The following WRAP53 variants were observed in gnomAD, a reference collection of about 807,000 sequenced individuals.
The protein encoded by WRAP53 is WD repeat containing antisense to TP53.
A neutral mutation model predicts 56.6 loss-of-function variants in WRAP53; 28 were observed. The ratio of observed to expected loss-of-function variants is 0.50; its 90% CI spans 0.37 to 0.68. The LOEUF is 0.68. WRAP53 is among the 30% of genes least tolerant of loss of function. The pLI, the probability that WRAP53 is intolerant of heterozygous loss-of-function variation, is 0.00. For missense variants in WRAP53, 671 were observed against 715.5 expected (o/e 0.94, Z 0.71); for synonymous variants, 283 against 283.4 (o/e 1.00, Z 0.01).
intron 4 of WRAP53, among the ~76,000 whole-genome samples, chr17:7,692,123 A>T (rs546678127): frequency 1.3e-5 from 2 of 150,958 alleles, no homozygotes; most frequent in African/African-American, 4.9e-5. Flanking sequence ...TACAGGCATG[A>T]GCCACTGCGC....
In WRAP53 at chr17:7,703,251, C is replaced by A. The variant is rs1446584973; in HGVS notation, c.1412C>A (p.Pro471His). Residue 471 changes from proline (P) to histidine (H), a missense_variant, in exon 11 of 11, where the codon CCT becomes CAT. Around this residue, in one of 3 missense-constraint regions of WRAP53, gnomAD observed 158 missense variants for 215.7 expected, o/e 0.73. Coordinates refer to ENST00000396463, the MANE Select transcript of WRAP53 (RefSeq NM_001143992.2). The part of the protein sequence containing the change: ...KDCTNGVSLH[P>H]SLPLLATASG... ...CCCCATCTCTCCCTCAGCCTGCACC[C>A]TAGCCTGCCTCTCCTGGCCACTGCC... 1 of 1,613,546 alleles carries A rather than the reference C, an allele frequency of 6.2e-7. No homozygotes were observed. Among genetic ancestry groups the A allele is most frequent in the Admixed American group, 1.7e-5 (1 of 60,022 alleles).
chr17:7,689,209 C>T lies in WRAP53; in HGVS notation c.432-15C>T, dbSNP rs771063284. ...CTTGGCGACCCAGGTTTATTGTCCC[C>T]CATCTTCCTTTCAGCGCTTGGAACT... On this transcript the variant is annotated splice_polypyrimidine_tract_variant and intron_variant, in intron 2 of 10. Coordinates refer to ENST00000396463, the MANE Select transcript of WRAP53 (RefSeq NM_001143992.2). 1.2e-6 allele frequency: 2 copies of T among 1,613,854 alleles called. No homozygotes were observed. The highest frequency in any genetic ancestry group is 1.7e-6 in the Non-Finnish European group (2 of 1,179,962).
In WRAP53 at chr17:7,688,500, C is replaced by T. The variant is rs1439063070; in HGVS notation, c.-63C>T. 1 of 800,408 alleles carries T rather than the reference C, an allele frequency of 1.2e-6. No homozygotes were observed. Among genetic ancestry groups the T allele is most frequent in the African/African-American group, 1.7e-5 (1 of 57,514 alleles). The allele number at this position is 800,408 out of a possible 1,614,324, so 49.6% of individuals were successfully genotyped here. ...ACAGTGCTTTCAAAAGAATTGGCGT[C>T]CGCTGTTCGCCTCTCCTCCCGGGAG... On this transcript the variant is annotated 5_prime_UTR_variant, in exon 1 of 11. Coordinates refer to ENST00000396463, the MANE Select transcript of WRAP53 (RefSeq NM_001143992.2).
chr17:7,699,627 CTT>C (rs985399438), intron 4 of WRAP53, among the ~76,000 whole-genome samples: 5 of 143,584 alleles, frequency 3.5e-5, no homozygotes, highest in Admixed American at 2.1e-4. Flanking sequence ...TTAAACATAT[CTT>C]TTTGTTCAGC....
rs772485427 is a variant in WRAP53, at chr17:7,689,570, T to C, written c.531-20T>C. 13 of 1,610,518 alleles carry C rather than the reference T, an allele frequency of 8.1e-6. No individual in the cohort carries two copies. The South Asian group carries it at 1.4e-4, about 18-fold the overall frequency. ...AAAAGCATAGGTCTGGCCAGCTTTC[T>C]AACTCTCCCCTGTTTCTAGGGCTCC... On this transcript the variant is annotated intron_variant, in intron 3 of 10. Transcript: ENST00000396463.
Position 7,702,596 on chromosome 17 carries a change from G to A in WRAP53, c.1164+44G>A. 1 of 1,597,646 alleles carries A rather than the reference G, an allele frequency of 6.3e-7. No individual in the cohort carries two copies. The highest frequency in any genetic ancestry group is 8.5e-7 in the Non-Finnish European group (1 of 1,176,624). On this transcript the variant is annotated intron_variant, in intron 8 of 10. Coordinates refer to ENST00000396463, the MANE Select transcript of WRAP53 (RefSeq NM_001143992.2). This position sits in a 1 kb window ranked among gnomAD's most constrained non-coding sequence, Gnocchi z 5.0. ...GAGCCCAAAGCAGCTGGGCAGCGGG[G>A]CAGGAGCAGGGATGTAGTCTGCAGT...
In WRAP53 at chr17:7,701,585, TG is replaced by T. The variant is rs2074275005; in HGVS notation, c.822+38del. On this transcript the variant is annotated intron_variant, in intron 6 of 10. Transcript: ENST00000396463. This position sits in a 1 kb window ranked among gnomAD's most constrained non-coding sequence, Gnocchi z 4.2. ...CCATACTCAGCCCCAGCACTCGTAC[TG>T]GCCCGGCTCTCCTTCCTTGAGGGCA... The T allele has an allele frequency of 6.2e-7, 1 of 1,614,144 alleles. No individual in the cohort carries two copies. Among genetic ancestry groups the T allele is most frequent in the African/African-American group, 1.3e-5 (1 of 74,942 alleles).
At chr17:7,690,571 C>G (rs973271003) in intron 4 of WRAP53, among the ~76,000 whole-genome samples, 16 of 152,260 alleles carry the variant, frequency 1.1e-4, no homozygotes, top group Admixed American at 8.5e-4. Context: ...CAGGAACTGG[C>G]AATGATACTA....
In WRAP53 at chr17:7,703,398, G is replaced by T. The variant is rs753960173; in HGVS notation, c.1559G>T (p.Gly520Val). 8.1e-6 allele frequency: 13 copies of T among 1,612,884 alleles called. No individual in the cohort carries two copies. The highest frequency in any genetic ancestry group is 1.7e-4 in the Middle Eastern group (1 of 6,056). ...LECRLQLWWCGGAPDSSIPDD... is the reference protein window; with the variant it reads ...LECRLQLWWCVGAPDSSIPDD... Reference sequence around the variant, plus strand: ...TGTCGGCTTCAGCTCTGGTGGTGTGGGGGGGCGCCAGACTCCAGCATCCCT... The same window carrying T: ...TGTCGGCTTCAGCTCTGGTGGTGTGTGGGGGCGCCAGACTCCAGCATCCCT... Residue 520 changes from glycine (G) to valine (V), a missense_variant, in exon 11 of 11, where the codon GGG (glycine) becomes GTG (valine). Gly to Val is a moderately radical substitution (Grantham distance 109). Around this residue, in one of 3 missense-constraint regions of WRAP53, gnomAD observed 107 missense variants for 81.3 expected, o/e 1.32. Transcript: ENST00000396463.
intron 4 of WRAP53, among the ~76,000 whole-genome samples, chr17:7,691,140 T>C (rs2151087241): frequency 6.6e-6 from 1 of 151,704 alleles, no homozygotes; most frequent in South Asian, 2.1e-4. Context: ...ACCCAGGAGA[T>C]GGAGGTTGCA....
Position 7,689,206 on chromosome 17 carries a change from C to A in WRAP53, c.432-18C>A. The A allele has an allele frequency of 6.2e-7, 1 of 1,613,722 alleles. No individual in the cohort carries two copies. The highest frequency in any genetic ancestry group is 8.5e-7 in the Non-Finnish European group (1 of 1,179,910). On this transcript the variant is annotated intron_variant, in intron 2 of 10. Coordinates refer to ENST00000396463, the MANE Select transcript of WRAP53 (RefSeq NM_001143992.2). ...TTGCTTGGCGACCCAGGTTTATTGT[C>A]CCCCATCTTCCTTTCAGCGCTTGGA...
In WRAP53 at chr17:7,700,779, TG is replaced by T. The variant is rs755312840; in HGVS notation, c.682del (p.Asp228IlefsTer7). ...GAATGGTGGAAGGTGATACCATCTA[TG>T]ATTACTGCTGGTATTCTCTGATGTC... ...LRMVEGDTIY[D>X]YCWYSLMSSA... On this transcript the variant is annotated frameshift_variant, in exon 5 of 11. Coordinates refer to ENST00000396463, the MANE Select transcript of WRAP53 (RefSeq NM_001143992.2). LOFTEE classifies it high-confidence loss of function. 2 of 1,613,256 alleles carry T rather than the reference TG, an allele frequency of 1.2e-6. No homozygotes were observed. Among genetic ancestry groups the T allele is most frequent in the Non-Finnish European group, 1.7e-6 (2 of 1,179,492 alleles).
At chr17:7,689,373 T>A in intron 3 of WRAP53, 51 bp downstream of exon 3, 1 of 1,580,162 alleles carries the variant, frequency 6.3e-7, no homozygotes, top group Non-Finnish European at 8.7e-7. Flanking sequence ...ATTTTCACTG[T>A]AAAACAGTCC....
At chr17:7,699,516 AT>A (rs1567577663) in intron 4 of WRAP53, among the ~76,000 whole-genome samples, 27 of 25,294 alleles carry the variant, frequency 1.1e-3, no homozygotes, top group African/African-American at 5.9e-3. Flanking sequence ...ATATATATAT[AT>A]ATATTTATAT....
chr17:7,691,100 T>C (rs950565182), intron 4 of WRAP53, among the ~76,000 whole-genome samples: 2 of 151,686 alleles, frequency 1.3e-5, no homozygotes, highest in African/African-American at 2.4e-5. Flanking sequence ...TCCCAGCTAC[T>C]TGAGAGGCTG....
intron 4 of WRAP53, among the ~76,000 whole-genome samples, chr17:7,698,737 C>T (rs1436877753): frequency 4.6e-5 from 7 of 151,860 alleles, no homozygotes; most frequent in East Asian, 1.9e-4. Context: ...ATTAGCCGGG[C>T]GTGATAGCAG....
intron 4 of WRAP53, among the ~76,000 whole-genome samples, chr17:7,699,458 TTA>T (rs1165734343): frequency 0.03 from 1,191 of 39,798 alleles, 37 homozygotes; most frequent in Non-Finnish European, 0.034. Context: ...ATATATATAT[TTA>T]TATATATATA....
intron 4 of WRAP53, among the ~76,000 whole-genome samples, chr17:7,694,346 G>T (rs1486674360): frequency 6.7e-6 from 1 of 149,044 alleles, no homozygotes; most frequent in Non-Finnish European, 1.5e-5. Context: ...CGGTTCAAGC[G>T]ATTCTCCTGC....
At position 7,689,213 on chromosome 17, in the gene WRAP53, CT is replaced by C. The variant is rs1379977087; in HGVS notation, c.432-9del. ...GCGACCCAGGTTTATTGTCCCCCAT[CT>C]TCCTTTCAGCGCTTGGAACTACAGC... On this transcript the variant is annotated splice_polypyrimidine_tract_variant and intron_variant, in intron 2 of 10. Coordinates refer to ENST00000396463, the MANE Select transcript of WRAP53 (RefSeq NM_001143992.2). 1.9e-6 allele frequency: 3 copies of C among 1,613,876 alleles called. No homozygotes were observed. Among genetic ancestry groups the C allele is most frequent in the Non-Finnish European group, 2.5e-6 (3 of 1,180,016 alleles).
Sources: allele counts gnomAD v4.1 joint callset (sites outside exome capture counted in the v4.1 genomes callset), GRCh38; gene constraint gnomAD v4.1.1; regional missense constraint gnomAD v4.1.1; non-coding constraint Gnocchi (gnomAD v3.1); transcripts MANE v1.5; gene names NCBI Gene and HGNC (gene_info 2026-07-23, HGNC 2026-07-21).